The following KIAA1549 variants were observed in gnomAD, a reference collection of about 807,000 sequenced individuals.
KIAA1549 encodes the protein UPF0606 protein KIAA1549.
In KIAA1549, 70 loss-of-function variants were observed where a neutral mutation model predicts 156.4. The observed-to-expected ratio is 0.45, with a 90% CI of 0.37 to 0.55. The LOEUF is 0.55. KIAA1549 is among the 20% of genes least tolerant of loss of function. The pLI, the probability that KIAA1549 is intolerant of heterozygous loss-of-function variation, is 0.00. For synonymous variants in KIAA1549, 1,103 were observed against 1,066.4 expected (o/e 1.03, Z -0.67); for missense variants, 2,428 against 2,540.9 (o/e 0.96, Z 0.96).
chr7:138,848,539 C>T (rs572734269), intron 17 of KIAA1549, among the ~76,000 whole-genome samples: 4 of 152,130 alleles, frequency 2.6e-5, no homozygotes, highest in African/African-American at 9.7e-5. Context: ...ATATGAGATC[C>T]TTTTGTGTCT....
intron 3 of KIAA1549, 32 bp from the exon 4 acceptor site, chr7:138,911,355 A>G (rs1468027454): frequency 1.4e-6 from 2 of 1,468,572 alleles, no homozygotes; most frequent in South Asian, 1.3e-5. Context: ...AGACAATTCA[A>G]ACTTAAAGGA....
At chr7:138,894,592 C>A in intron 9 of KIAA1549, 66 bp from the exon 10 acceptor site, 1 of 1,496,878 alleles carries the variant, frequency 6.7e-7, no homozygotes, top group Admixed American at 1.8e-5. Context: ...TTGCACGTGT[C>A]TTCTATGAGA....
At chr7:138,873,558 C>T (rs1810995247) in intron 12 of KIAA1549, among the ~76,000 whole-genome samples, 2 of 146,938 alleles carry the variant, frequency 1.4e-5, no homozygotes, top group Non-Finnish European at 3.0e-5. Flanking sequence ...TCCAGGGTGG[C>T]AGAGACTTCT....
chr7:138,964,842 G>A (rs776112209), intron 1 of KIAA1549, among the ~76,000 whole-genome samples: 3 of 152,130 alleles, frequency 2.0e-5, no homozygotes, highest in Non-Finnish European at 4.4e-5. Context: ...AATTTAATAT[G>A]TGCATACTGC....
Position 138,894,319 on chromosome 7 carries a change from T to G in KIAA1549, c.4032+23A>C, listed in dbSNP as rs997216732. On this transcript the variant is annotated intron_variant, in intron 10 of 19. Transcript: ENST00000422774. Reference sequence around the variant, plus strand: ...CCCACAAAACTGCTTATAGGAACACTGGGGGAAGAGGCTGCCCGTTACCTT... The same window carrying G: ...CCCACAAAACTGCTTATAGGAACACGGGGGGAAGAGGCTGCCCGTTACCTT... 3 of 1,612,602 alleles carry G rather than the reference T, an allele frequency of 1.9e-6. No homozygotes were observed. In the African/African-American group the frequency reaches 4.0e-5, roughly 22 times the overall value.
chr7:138,861,747 T>C (rs1810591695), intron 15 of KIAA1549, among the ~76,000 whole-genome samples: 1 of 150,872 alleles, frequency 6.6e-6, no homozygotes, highest in Non-Finnish European at 1.5e-5. Flanking sequence ...GGTGTGCACC[T>C]GTAGTCCCAG....
Position 138,834,466 on chromosome 7 carries a change from T to C in KIAA1549, c.*3440A>G, listed in dbSNP as rs930080456. ...GCCTGATCTCTTCGAATGAATTTTA[T>C]TGACACTTAAACCATGTTATTTATC... On this transcript the variant is annotated 3_prime_UTR_variant, in exon 20 of 20. Coordinates refer to ENST00000422774, the MANE Select transcript of KIAA1549 (RefSeq NM_001164665.2). 3 of 214,446 alleles carry C rather than the reference T, an allele frequency of 1.4e-5. No homozygotes were observed. The highest frequency in any genetic ancestry group is 6.8e-5 in the African/African-American group (3 of 44,362). The allele number at this position is 214,446 out of a possible 1,614,324, so 13.3% of individuals were successfully genotyped here.
chr7:138,840,354 G>A (rs1347072595), intron 18 of KIAA1549, 76 bp from the exon 19 acceptor site: 6 of 1,353,412 alleles, frequency 4.4e-6, no homozygotes, highest in African/African-American at 4.3e-5. Flanking sequence ...TGCCGAGGAA[G>A]ACACTGTCAA....
In KIAA1549 at chr7:138,905,707, A is replaced by AT. The variant is rs551824906; in HGVS notation, c.3461-627dup. Among the ~76,000 whole-genome samples, 709 of 145,752 alleles carry AT rather than the reference A, an allele frequency of 4.9e-3. 7 individuals are homozygous for AT. The highest frequency in any genetic ancestry group is 0.015 in the African/African-American group (593 of 39,936). On this transcript the variant is annotated intron_variant, in intron 6 of 19. Coordinates refer to ENST00000422774, the MANE Select transcript of KIAA1549 (RefSeq NM_001164665.2). Reference sequence around the variant, plus strand: ...CCTGATTTCAACTCTGGAATCTACTATTTTTTTTTTTTAAATAAACGTCTC... The same window carrying AT: ...CCTGATTTCAACTCTGGAATCTACTATTTTTTTTTTTTTAAATAAACGTCTC...
At chr7:138,841,424 C>T (rs1157253956) in intron 18 of KIAA1549, among the ~76,000 whole-genome samples, 1 of 152,110 alleles carries the variant, frequency 6.6e-6, no homozygotes, top group Non-Finnish European at 1.5e-5. Flanking sequence ...AGCTAATTAC[C>T]CCCCTATACC....
In KIAA1549 at chr7:138,975,777, T is replaced by C. The variant is rs1374086664; in HGVS notation, c.187+5306A>G. On this transcript the variant is annotated intron_variant, in intron 1 of 19. Transcript: ENST00000422774. ...TAGATCAGTTAGAACAGTGTCTTCC[T>C]ATCTGGGAAAATCAACCTAGTGTAA... Among the ~76,000 whole-genome samples the C allele has an allele frequency of 2.6e-5, 4 of 152,334 alleles. No homozygotes were observed. The East Asian group carries it at 7.7e-4, about 29-fold the overall frequency.
intron 1 of KIAA1549, among the ~76,000 whole-genome samples, chr7:138,974,772 C>T (rs1814323354): frequency 6.6e-6 from 1 of 150,664 alleles, no homozygotes; most frequent in South Asian, 2.1e-4. Context: ...TGAATGAAAA[C>T]AGCAGGTCTA....
At chr7:138,910,067 A>G (rs1431252261) in intron 4 of KIAA1549, among the ~76,000 whole-genome samples, 1 of 152,204 alleles carries the variant, frequency 6.6e-6, no homozygotes, top group East Asian at 1.9e-4. Flanking sequence ...CCTGAGATTT[A>G]CTTTAAAATA....
rs1247033893 is a variant in KIAA1549, at chr7:138,834,322, AT to A, written c.*3583del. 5 of 187,858 alleles carry A rather than the reference AT, an allele frequency of 2.7e-5. No homozygotes were observed. In the East Asian group the frequency reaches 4.3e-4, roughly 16 times the overall value. 11.6% of individuals were successfully genotyped at this position (187,858 alleles called of 1,614,324 possible). On this transcript the variant is annotated 3_prime_UTR_variant, in exon 20 of 20. Transcript: ENST00000422774. ...GCCACCACACCCAGCTAGTTTTTGT[AT>A]TTTTTTGTAGAGACGGGGTTTTGCC...
intron 10 of KIAA1549, among the ~76,000 whole-genome samples, chr7:138,891,365 A>G (rs1811541916): frequency 6.6e-6 from 1 of 152,210 alleles, no homozygotes; most frequent in African/African-American, 2.4e-5. Flanking sequence ...CAGAAGGAAT[A>G]AGTTTCCATG....
At chr7:138,939,063 C>A (rs944339659) in intron 1 of KIAA1549, among the ~76,000 whole-genome samples, 3 of 152,150 alleles carry the variant, frequency 2.0e-5, no homozygotes. Context: ...TTCAGACATA[C>A]ACAAAAGTTG....
chr7:138,853,463 C>G lies in KIAA1549; in HGVS notation c.5248-1194G>C, dbSNP rs201658205. On this transcript the variant is annotated intron_variant, in intron 16 of 19. Transcript: ENST00000422774. Reference sequence around the variant, plus strand: ...ACTGCCCATGGTTTCCAAAACAAGACACTCTCCTGTGAACAAATATCTATT... The same window carrying G: ...ACTGCCCATGGTTTCCAAAACAAGAGACTCTCCTGTGAACAAATATCTATT... Among the ~76,000 whole-genome samples, 42 of 152,318 alleles carry G rather than the reference C, an allele frequency of 2.8e-4. No individual in the cohort carries two copies. The East Asian group carries it at 7.3e-3, about 27-fold the overall frequency.
chr7:138,879,690 A>C, intron 11 of KIAA1549, 37 bp from the exon 12 acceptor site: 2 of 1,302,666 alleles, frequency 1.5e-6, no homozygotes, highest in Non-Finnish European at 2.1e-6. Flanking sequence ...ATTAGAAACA[A>C]GAAAGAATGA....
chr7:138,940,947 T>C (rs1813166298), intron 1 of KIAA1549, among the ~76,000 whole-genome samples: 1 of 152,198 alleles, frequency 6.6e-6, no homozygotes, highest in Admixed American at 6.5e-5. Context: ...TGCAAAAATT[T>C]TCTCCCATTC....
Sources: allele counts gnomAD v4.1 joint callset (sites outside exome capture counted in the v4.1 genomes callset), GRCh38; gene constraint gnomAD v4.1.1; transcripts MANE v1.5; gene names NCBI Gene and HGNC (gene_info 2026-07-23, HGNC 2026-07-21).